The following PARP4 variants were observed in gnomAD, a reference collection of about 807,000 sequenced individuals.
PARP4 encodes protein mono-ADP-ribosyltransferase PARP4.
A neutral mutation model predicts 187.7 loss-of-function variants in PARP4; 120 were observed. The ratio of observed to expected loss-of-function variants is 0.64; its 90% CI spans 0.55 to 0.74. The LOEUF is 0.74. Ranked by LOEUF, PARP4 falls within the 30% of genes least tolerant of loss-of-function variation. The probability of loss-of-function intolerance (pLI) is 0.00; values close to 1 mark genes in which losing one functional copy is unlikely to be tolerated. For synonymous variants in PARP4, 654 were observed against 740.9 expected, an observed-to-expected ratio of 0.88 and a Z score of 1.90; for missense variants, 1,836 against 2,070.5, an observed-to-expected ratio of 0.89 and a Z score of 2.20.
chr13:24,433,734 C>T (rs1433471768), intron 31 of PARP4, among the ~76,000 whole-genome samples: 3 of 131,536 alleles, frequency 2.3e-5, no homozygotes, highest in Non-Finnish European at 4.7e-5. Flanking sequence ...GAGGCTCAGA[C>T]AGGTTACCTG....
chr13:24,455,536 A>G (rs2137475860), intron 21 of PARP4, among the ~76,000 whole-genome samples: 1 of 136,738 alleles, frequency 7.3e-6, no homozygotes, highest in East Asian at 2.0e-4. Flanking sequence ...TATACATGCC[A>G]TTGTGATTAC....
At chr13:24,453,065 G>A (rs890220251) in intron 23 of PARP4, among the ~76,000 whole-genome samples, 2 of 152,048 alleles carry the variant, frequency 1.3e-5, no homozygotes, top group Non-Finnish European at 2.9e-5. Context: ...CTTCCAAGTG[G>A]CTGGGATTAC....
intron 1 of PARP4, among the ~76,000 whole-genome samples, chr13:24,504,263 A>G (rs1383294348): frequency 6.6e-6 from 1 of 150,954 alleles, no homozygotes; most frequent in Non-Finnish European, 1.5e-5. Flanking sequence ...TTTAAATGGA[A>G]TATGTATGTG....
At chr13:24,479,964 G>A (rs1393158998) in intron 12 of PARP4, among the ~76,000 whole-genome samples, 3 of 151,882 alleles carry the variant, frequency 2.0e-5, no homozygotes, top group Admixed American at 6.6e-5. Context: ...CTCCAGATGC[G>A]CCGCCTTAAG....
chr13:24,437,336 A>C (rs1273517471), intron 30 of PARP4, among the ~76,000 whole-genome samples: 4 of 152,180 alleles, frequency 2.6e-5, no homozygotes, highest in Non-Finnish European at 4.4e-5. Context: ...ATGAAAAGCA[A>C]AACAACACTA....
In PARP4 at chr13:24,426,533, T is replaced by G; in HGVS notation, c.4912A>C (p.Thr1638Pro). 1.9e-6 allele frequency: 3 copies of G among 1,611,576 alleles called. No individual in the cohort carries two copies. Among genetic ancestry groups the G allele is most frequent in the Non-Finnish European group, 2.5e-6 (3 of 1,178,168 alleles). Residue 1638 changes from threonine (T) to proline (P), a missense_variant, in exon 33 of 34, where the codon ACC (threonine) becomes CCC (proline). By Grantham distance (38) the Thr-to-Pro change is conservative. Transcript: ENST00000381989. ...ACTATTCCCTCTTTTTCCAACCTGG[T>G]GCGAATAAACTGTAGTACCAGCATT... is the stretch of plus-strand genomic sequence containing the variant. ...ATMLVLQFIR[T>P]RLEKEGIVFK...
chr13:24,498,056 T>C lies in PARP4; in HGVS notation c.591+60A>G, dbSNP rs146269237. 2.8e-3 allele frequency: 3,344 copies of C among 1,209,340 alleles called. 77 individuals carry two copies. Among genetic ancestry groups the C allele is most frequent in the Non-Finnish European group, 6.4e-4 (528 of 827,232 alleles). The allele number at this position is 1,209,340 out of a possible 1,614,324, so 74.9% of individuals were successfully genotyped here. A position where few individuals can be genotyped will look rare whatever the true frequency, so the allele number is the denominator to read the frequency against. ...AAAGGTTGGGAGGTCGGCTGATTCA[T>C]TGAAATGAGTTATGAACAGAGGTCA... On this transcript the variant is annotated intron_variant, in intron 6 of 33. Transcript: ENST00000381989.
intron 12 of PARP4, among the ~76,000 whole-genome samples, chr13:24,481,258 T>A (rs1388877757): frequency 6.6e-6 from 1 of 152,244 alleles, no homozygotes; most frequent in Non-Finnish European, 1.5e-5. Context: ...ATATGACTGC[T>A]CACTGGCAAA....
chr13:24,448,924 A>G (rs1018732940), intron 25 of PARP4, among the ~76,000 whole-genome samples: 6 of 152,254 alleles, frequency 3.9e-5, no homozygotes, highest in African/African-American at 1.4e-4. Flanking sequence ...AGGCAAAGTC[A>G]TAAAGACAGA....
At chr13:24,456,119 G>C (rs9581056) in intron 21 of PARP4, among the ~76,000 whole-genome samples, 17,974 of 152,088 alleles carry the variant, frequency 0.12, 1,208 homozygotes, top group African/African-American at 0.15. Flanking sequence ...GTAAAAATGC[G>C]AATTTGTACA....
At chr13:24,449,224 T>TA (rs1871374329) in intron 25 of PARP4, among the ~76,000 whole-genome samples, 1 of 151,838 alleles carries the variant, frequency 6.6e-6, no homozygotes, top group Non-Finnish European at 1.5e-5. Context: ...CCATCTCTAC[T>TA]AAAAATACAA....
chr13:24,492,839 A>G (rs192713245), intron 8 of PARP4, among the ~76,000 whole-genome samples: 7 of 152,368 alleles, frequency 4.6e-5, no homozygotes, highest in Non-Finnish European at 1.0e-4. Flanking sequence ...TTATATTTCT[A>G]TACATATGTG....
intron 9 of PARP4, among the ~76,000 whole-genome samples, chr13:24,491,973 C>T (rs1483541225): frequency 6.6e-6 from 1 of 152,206 alleles, no homozygotes; most frequent in East Asian, 1.9e-4. Context: ...CGTCACTCTA[C>T]AGGAAGTACA....
At chr13:24,493,499 G>C (rs1868778235) in intron 8 of PARP4, 97 bp downstream of exon 8, 1 of 1,125,134 alleles carries the variant, frequency 8.9e-7, no homozygotes, top group Non-Finnish European at 1.3e-6. Flanking sequence ...GAATTCCAGA[G>C]CAGTCAGGCC....
intron 9 of PARP4, among the ~76,000 whole-genome samples, chr13:24,491,183 T>C (rs2137530768): frequency 6.6e-6 from 1 of 152,090 alleles, no homozygotes; most frequent in African/African-American, 2.4e-5. Flanking sequence ...TGCAGTGGCA[T>C]GATCTTGACT....
intron 20 of PARP4, among the ~76,000 whole-genome samples, chr13:24,458,267 A>C (rs1871994313): frequency 6.6e-6 from 1 of 151,896 alleles, no homozygotes; most frequent in Non-Finnish European, 1.5e-5. Context: ...CCACCACCAC[A>C]CCCGGCTAAT....
rs775387437 is a variant in PARP4, at chr13:24,426,480, G to T, written c.4965C>A (p.Asp1655Glu). Residue 1655 changes from aspartate (D) to glutamate (E), a missense_variant, in exon 33 of 34, where the codon GAC becomes GAA. Physicochemically the swap from Asp to Glu is conservative, Grantham distance 45 (BLOSUM62 2). Transcript: ENST00000381989. ...IVFKSLMKMD[D>E]ASISRNIPWA... ...GTTAAAGCCACCTGGAAATAGAAGC[G>T]TCATCCATTTTCATCAGTGATTTGA... 7 of 1,609,634 alleles carry T rather than the reference G, an allele frequency of 4.3e-6. No homozygotes were observed. The highest frequency in any genetic ancestry group is 3.4e-6 in the Non-Finnish European group (4 of 1,177,482).
At chr13:24,459,242 G>C (rs954990547) in intron 19 of PARP4, 22 bp downstream of exon 19, 10 of 1,589,360 alleles carry the variant, frequency 6.3e-6, no homozygotes, top group Non-Finnish European at 8.6e-6. Flanking sequence ...GAATTGACAG[G>C]TTTTATATTT....
At chr13:24,496,419 T>C (rs1032434549) in intron 6 of PARP4, among the ~76,000 whole-genome samples, 4 of 152,164 alleles carry the variant, frequency 2.6e-5, no homozygotes, top group Non-Finnish European at 5.9e-5. Flanking sequence ...TGGCCTCTCA[T>C]TGATAAATTG....
Sources: allele counts gnomAD v4.1 joint callset (sites outside exome capture counted in the v4.1 genomes callset), GRCh38; gene constraint gnomAD v4.1.1; transcripts MANE v1.5; gene names NCBI Gene and HGNC (gene_info 2026-07-23, HGNC 2026-07-21).